The following PLEKHA6 variants were observed in gnomAD, a reference collection of about 807,000 sequenced individuals.
PLEKHA6 encodes pleckstrin homology domain containing A6, also known as pleckstrin homology domain-containing family A member 6.
In PLEKHA6, 60 loss-of-function variants were observed where a neutral mutation model predicts 116.7. The observed-to-expected ratio is 0.51, with a 90% CI of 0.42 to 0.64. The LOEUF (loss-of-function observed/expected upper bound fraction) is 0.64, where lower values mean the gene tolerates loss of function less well. Among genes scored for constraint, PLEKHA6 ranks in the 30% least tolerant of loss-of-function variants. The pLI is 0.00. For synonymous variants in PLEKHA6, 489 were observed against 556.1 expected (o/e 0.88, Z 1.70); for missense variants, 1,338 against 1,422.7 (o/e 0.94, Z 0.96).
rs534975859 is a variant in PLEKHA6 at position 204,283,722 on chromosome 1, A to C, written c.-94-8913T>G. ...TTTTCAAGGTCTGCTCCAAGAACAC[A>C]GTAATGAAAGCCACAAACTCTTTCA... On this transcript the variant is annotated intron_variant, in intron 1 of 22. Coordinates refer to ENST00000272203, the MANE Select transcript of PLEKHA6 (RefSeq NM_014935.5). Among the ~76,000 whole-genome samples, 6 of 152,350 alleles carry C rather than the reference A, an allele frequency of 3.9e-5. No homozygotes were observed. The East Asian group carries it at 1.2e-3, about 29-fold the overall frequency.
rs570891499 is a variant in PLEKHA6 at position 204,221,505 on chromosome 1, G to A, written c.*1283C>T. On this transcript the variant is annotated 3_prime_UTR_variant, in exon 23 of 23. Transcript: ENST00000272203. ...CCCGGGGCAGGTGGATCATGAGAGCGCCTAGCCTCAGCCAGTCCTCGTCTG... is the reference window on the plus strand; with the variant it reads ...CCCGGGGCAGGTGGATCATGAGAGCACCTAGCCTCAGCCAGTCCTCGTCTG... The A allele has an allele frequency of 9.2e-5, 14 of 152,756 alleles. No individual in the cohort carries two copies. Among genetic ancestry groups the A allele is most frequent in the African/African-American group, 2.4e-4 (10 of 41,554 alleles). 9.5% of individuals were successfully genotyped at this position (152,756 alleles called of 1,614,324 possible). A position where few individuals can be genotyped will look rare whatever the true frequency, so the allele number is the denominator to read the frequency against.
chr1:204,334,373 T>C (rs973605211), intron 1 of PLEKHA6, among the ~76,000 whole-genome samples: 1 of 152,192 alleles, frequency 6.6e-6, no homozygotes, highest in African/African-American at 2.4e-5. Context: ...ACTTTCCTAA[T>C]TACCTATGAC....
At chr1:204,343,142 G>T (rs1243164089) in intron 1 of PLEKHA6, among the ~76,000 whole-genome samples, 1 of 152,142 alleles carries the variant, frequency 6.6e-6, no homozygotes, top group Non-Finnish European at 1.5e-5. Context: ...AGTACAATGA[G>T]CTCAATTTAA....
intron 1 of PLEKHA6, among the ~76,000 whole-genome samples, chr1:204,333,408 C>T (rs1238948841): frequency 6.6e-6 from 1 of 152,232 alleles, no homozygotes; most frequent in East Asian, 1.9e-4. Context: ...AAGCCCAGGA[C>T]TCCAGTTCTC....
rs370742731 is a variant in PLEKHA6 at position 204,289,841 on chromosome 1, A to G, written c.-94-15032T>C. Among the ~76,000 whole-genome samples, 41 of 152,322 alleles carry G rather than the reference A, an allele frequency of 2.7e-4. 1 individual carries two copies. The highest frequency in any genetic ancestry group is 9.9e-4 in the African/African-American group (41 of 41,574). ...CCTGCTCTTTTAAATTCAATTTTCA[A>G]AGCAAGGGAGGAGAGGCTCAGGATA... is the stretch of plus-strand genomic sequence containing the variant. On this transcript the variant is annotated intron_variant, in intron 1 of 22. Coordinates refer to ENST00000272203, the MANE Select transcript of PLEKHA6 (RefSeq NM_014935.5).
chr1:204,270,646 C>A (rs563984056), intron 3 of PLEKHA6, among the ~76,000 whole-genome samples: 1 of 152,208 alleles, frequency 6.6e-6, no homozygotes, highest in Non-Finnish European at 1.5e-5. Context: ...ATTCCACTAC[C>A]GTGGTCTTAA....
intron 17 of PLEKHA6, 111 bp downstream of exon 17, chr1:204,241,264 C>T: frequency 4.4e-6 from 3 of 683,870 alleles, no homozygotes. Flanking sequence ...GTTCCACCTT[C>T]CTCTCCAGCC....
At chr1:204,349,801 T>A (rs2103357868) in intron 1 of PLEKHA6, among the ~76,000 whole-genome samples, 1 of 152,310 alleles carries the variant, frequency 6.6e-6, no homozygotes, top group African/African-American at 2.4e-5. Context: ...GGCCTATACA[T>A]ACCTGAAGAG....
At chr1:204,295,225 C>T (rs1017562498) in intron 1 of PLEKHA6, among the ~76,000 whole-genome samples, 1 of 152,186 alleles carries the variant, frequency 6.6e-6, no homozygotes, top group African/African-American at 2.4e-5. Context: ...CGCATTGGCT[C>T]ATGCCCATAA....
intron 1 of PLEKHA6, among the ~76,000 whole-genome samples, chr1:204,292,677 T>C (rs1437879818): frequency 6.6e-6 from 1 of 152,236 alleles, no homozygotes; most frequent in African/African-American, 2.4e-5. Context: ...ACTGGGTGGA[T>C]GCTCCTGGAG....
chr1:204,371,367 C>T (rs909213104), intron 2 of PLEKHA6, among the ~76,000 whole-genome samples: 1 of 152,212 alleles, frequency 6.6e-6, no homozygotes. Context: ...CTCCAACAAG[C>T]CTGCAATCTC....
At chr1:204,295,957 G>A (rs1226603855) in intron 1 of PLEKHA6, among the ~76,000 whole-genome samples, 6 of 152,150 alleles carry the variant, frequency 3.9e-5, no homozygotes, top group African/African-American at 9.7e-5. Context: ...ACAAACACAC[G>A]TGGGAAGATG....
At position 204,261,524 on chromosome 1, in the gene PLEKHA6, A is replaced by G. The variant is rs767733988; in HGVS notation, c.382-76T>C. ...ACACAGTCACCTGTTGGGAGAAGACACCAACGCCCACAGAATGGGCAGTCA... is the reference window on the plus strand; with the variant it reads ...ACACAGTCACCTGTTGGGAGAAGACGCCAACGCCCACAGAATGGGCAGTCA... On this transcript the variant is annotated intron_variant, in intron 6 of 22. Coordinates refer to ENST00000272203, the MANE Select transcript of PLEKHA6 (RefSeq NM_014935.5). This position sits in a 1 kb window ranked among gnomAD's most constrained non-coding sequence, Gnocchi z 4.0. 2 of 1,465,474 alleles carry G rather than the reference A, an allele frequency of 1.4e-6. No homozygotes were observed. Among genetic ancestry groups the G allele is most frequent in the Non-Finnish European group, 1.8e-6 (2 of 1,087,168 alleles). The allele number at this position is 1,465,474 out of a possible 1,614,324, so 90.8% of individuals were successfully genotyped here.
chr1:204,332,403 G>C (rs759912370), intron 1 of PLEKHA6, among the ~76,000 whole-genome samples: 2 of 151,940 alleles, frequency 1.3e-5, no homozygotes, highest in Non-Finnish European at 2.9e-5. Flanking sequence ...ACAGAGTCTC[G>C]CTGTGTCACC....
chr1:204,267,407 G>T, intron 5 of PLEKHA6, 68 bp downstream of exon 5: 1 of 1,386,864 alleles, frequency 7.2e-7, no homozygotes, highest in South Asian at 1.2e-5. Context: ...TCGGGGATAT[G>T]GCAGAATGAG....
rs1296685178 is a variant in PLEKHA6 at position 204,238,338 on chromosome 1, A to G, written c.2409+3037T>C. On this transcript the variant is annotated intron_variant, in intron 17 of 22. Transcript: ENST00000272203. This position sits in a 1 kb window ranked among gnomAD's most constrained non-coding sequence, Gnocchi z 4.2. Reference sequence around the variant, plus strand: ...GGCCCCCATAGGTGAATCACAGCAGAAGCCCCTAGGATTTTGGAGCAAGGC... The same window carrying G: ...GGCCCCCATAGGTGAATCACAGCAGGAGCCCCTAGGATTTTGGAGCAAGGC... Among the ~76,000 whole-genome samples the G allele has an allele frequency of 6.6e-6, 1 of 152,164 alleles. No individual in the cohort carries two copies. Among genetic ancestry groups the G allele is most frequent in the Non-Finnish European group, 1.5e-5 (1 of 68,042 alleles).
At chr1:204,302,362 T>G (rs1210643901) in intron 1 of PLEKHA6, among the ~76,000 whole-genome samples, 1 of 152,232 alleles carries the variant, frequency 6.6e-6, no homozygotes, top group Non-Finnish European at 1.5e-5. Flanking sequence ...GCATGTGTCA[T>G]GTTGCCCAGG....
intron 1 of PLEKHA6, among the ~76,000 whole-genome samples, chr1:204,344,300 T>A (rs1195453053): frequency 6.6e-6 from 1 of 152,102 alleles, no homozygotes; most frequent in Non-Finnish European, 1.5e-5. Flanking sequence ...CCGCTCCTTC[T>A]CAAAAACAAA....
At chr1:204,348,763 AGGCCACACTTG>A (rs1314446034) in intron 1 of PLEKHA6, among the ~76,000 whole-genome samples, 4 of 132,092 alleles carry the variant, frequency 3.0e-5, no homozygotes, top group Non-Finnish European at 4.7e-5. Context: ...CCTGTGCTCA[AGGCCACACTTG>A]GCAGACATCC....
Sources: allele counts gnomAD v4.1 joint callset (sites outside exome capture counted in the v4.1 genomes callset), GRCh38; gene constraint gnomAD v4.1.1; non-coding constraint Gnocchi (gnomAD v3.1); transcripts MANE v1.5; gene names NCBI Gene and HGNC (gene_info 2026-07-23, HGNC 2026-07-21).